Variants in IRAG2 observed in about 807,000 individuals in gnomAD.
IRAG2 encodes lymphoid restricted membrane protein.
Under a neutral mutation model 69.9 loss-of-function variants are expected in IRAG2, and 45 were observed. The observed-to-expected ratio is 0.64, with a 90% CI of 0.51 to 0.83. IRAG2 has a LOEUF of 0.83. Among genes scored for constraint, IRAG2 ranks in the 40% least tolerant of loss-of-function variants. The pLI, the probability that IRAG2 is intolerant of heterozygous loss-of-function variation, is 0.00. For synonymous variants in IRAG2, 193 were observed against 202.4 expected, an observed-to-expected ratio of 0.95 and a Z score of 0.40; for missense variants, 520 against 587.0, an observed-to-expected ratio of 0.89 and a Z score of 1.18.
chr12:24,998,250 T>C, the IRAG2 span, among the ~76,000 whole-genome samples: 1 of 152,224 alleles, frequency 6.6e-6, no homozygotes, highest in Non-Finnish European at 1.5e-5. Flanking sequence ...AGAAGCTTAA[T>C]ATAACAAGGT....
Position 25,089,781 on chromosome 12 carries a change from G to A in IRAG2, c.456G>A (p.Lys152=), listed in dbSNP as rs1250803195. Residue 152 remains lysine (K), a synonymous_variant, in exon 13 of 22, where the codon AAG becomes AAA. Coordinates refer to ENST00000556887, the MANE Select transcript of IRAG2 (RefSeq NM_001366544.2). ...RQSENTSANE[K]EVEAEFLRLS... ...CCTACAGCACTTCTGCTAATGAGAAGGAGGTGGAGGTGAGTTTAAAGCAAA... is the reference window on the plus strand; with the variant it reads ...CCTACAGCACTTCTGCTAATGAGAAAGAGGTGGAGGTGAGTTTAAAGCAAA... The A allele has an allele frequency of 3.1e-6, 5 of 1,613,050 alleles. No homozygotes were observed. The African/African-American group carries it at 5.3e-5, about 17-fold the overall frequency.
At chr12:25,016,195 C>A (rs368765063) in intron 5 of IRAG2, among the ~76,000 whole-genome samples, 31 of 142,240 alleles carry the variant, frequency 2.2e-4, no homozygotes, top group Admixed American at 2.8e-4. Context: ...GACTCCATCT[C>A]AAAAAAAAAA....
chr12:25,031,325 T>A (rs1269715849), intron 10 of IRAG2, among the ~76,000 whole-genome samples: 1 of 152,208 alleles, frequency 6.6e-6, no homozygotes, highest in Non-Finnish European at 1.5e-5. Context: ...TCAGGGTTCA[T>A]CAGGTATTGA....
At chr12:25,022,963 T>A (rs1944593506) in intron 7 of IRAG2, among the ~76,000 whole-genome samples, 1 of 152,026 alleles carries the variant, frequency 6.6e-6, no homozygotes, top group South Asian at 2.1e-4. Context: ...CTGTCTCTAC[T>A]AAAAATACAA....
upstream of IRAG2, among the ~76,000 whole-genome samples, chr12:25,000,096 C>T (rs549805042): frequency 6.6e-6 from 1 of 152,322 alleles, no homozygotes; most frequent in South Asian, 2.1e-4. Flanking sequence ...CAGGGCTTAG[C>T]ACTTAGCAGA....
chr12:25,092,314 C>T (rs1023429372), intron 14 of IRAG2, among the ~76,000 whole-genome samples: 12 of 151,766 alleles, frequency 7.9e-5, no homozygotes, highest in Admixed American at 5.3e-4. Context: ...GCAGGAGAAT[C>T]GCTTGAACCC....
At position 25,012,455 on chromosome 12, in the gene IRAG2, A is replaced by C. The variant is rs372829214; in HGVS notation, c.896+904A>C. ...CAGGTGTGAGCCACCCACTGCACCT[A>C]GCCAAGAAACCTAATTCCTATGCCT... is the stretch of plus-strand genomic sequence containing the variant. On this transcript the variant is annotated intron_variant, in intron 3 of 38. Coordinates refer to the IRAG2 transcript ENST00000636465. 2.2e-3 allele frequency among the ~76,000 whole-genome samples: 334 copies of C among 151,860 alleles called. 4 individuals are homozygous for C. Among genetic ancestry groups the C allele is most frequent in the African/African-American group, 7.7e-3 (319 of 41,424 alleles).
At chr12:25,039,493 T>G (rs951742411) in intron 16 of IRAG2, among the ~76,000 whole-genome samples, 2 of 152,218 alleles carry the variant, frequency 1.3e-5, no homozygotes, top group African/African-American at 2.4e-5. Flanking sequence ...TGCAGTGGCG[T>G]GATCTCTGCT....
chr12:25,104,533 C>A, intron 20 of IRAG2, 71 bp downstream of exon 20: 2 of 846,402 alleles, frequency 2.4e-6, no homozygotes, highest in Non-Finnish European at 4.1e-6. Context: ...CACTTTTATT[C>A]CATGGAGATG....
At chr12:25,036,852 G>A (rs145635753) in intron 15 of IRAG2, among the ~76,000 whole-genome samples, 5 of 152,284 alleles carry the variant, frequency 3.3e-5, no homozygotes, top group African/African-American at 9.6e-5. Context: ...GTGTGAGGGT[G>A]AGGAAAGTAT....
exon 1 of IRAG2, chr12:25,004,880 A>G: frequency 8.1e-7 from 1 of 1,231,892 alleles, no homozygotes; most frequent in African/African-American, 1.5e-5. Flanking sequence ...GATCCTCAGG[A>G]TTCAGTGGTA....
In IRAG2 at chr12:25,090,125, TGAA is replaced by T; in HGVS notation, c.537_539del (p.Glu180del). ...TTACCTTGGAGAAGAGAGTGAAGCT[TGAA>T]GAGAGGTCCCGTGACTTGGCAGAAG... On this transcript the variant is annotated inframe_deletion, in exon 14 of 22. Transcript: ENST00000556887. The T allele has an allele frequency of 1.2e-6, 2 of 1,613,834 alleles. No homozygotes were observed.
At chr12:25,107,732 A>T in intron 21 of IRAG2, 85 bp from the exon 22 acceptor site, 1 of 1,352,776 alleles carries the variant, frequency 7.4e-7, no homozygotes, top group African/African-American at 1.4e-5. Flanking sequence ...TGAAGGGCAG[A>T]TCACCTGACT....
chr12:25,067,431 A>G (rs1455334902), intron 5 of IRAG2, among the ~76,000 whole-genome samples: 1 of 152,156 alleles, frequency 6.6e-6, no homozygotes, highest in Admixed American at 6.5e-5. Flanking sequence ...ACCTGGAAAT[A>G]GCATCCGATT....
chr12:25,037,376 G>T (rs1216904150), intron 15 of IRAG2, among the ~76,000 whole-genome samples: 1 of 152,098 alleles, frequency 6.6e-6, no homozygotes, highest in Non-Finnish European at 1.5e-5. Flanking sequence ...TTAGCTCACT[G>T]CAAACTCTGC....
intron 14 of IRAG2, among the ~76,000 whole-genome samples, chr12:25,095,129 T>C (rs996506465): frequency 6.6e-6 from 1 of 152,116 alleles, no homozygotes; most frequent in Non-Finnish European, 1.5e-5. Context: ...TTGGTGAGAG[T>C]GGGCATCTTT....
At chr12:25,076,086 A>T (rs1277826271) in intron 6 of IRAG2, among the ~76,000 whole-genome samples, 3 of 152,200 alleles carry the variant, frequency 2.0e-5, no homozygotes, top group African/African-American at 7.2e-5. Flanking sequence ...ATCAAAAAAA[A>T]AATCTTCTTT....
At chr12:25,071,446 G>GTTCAACCAAA (rs1393852552) in intron 6 of IRAG2, among the ~76,000 whole-genome samples, 1 of 152,216 alleles carries the variant, frequency 6.6e-6, no homozygotes, top group Admixed American at 6.5e-5. Context: ...GAACTTGGAA[G>GTTCAACCAAA]CTTACAGGAT....
chr12:25,077,353 AT>A (rs1478441368), intron 6 of IRAG2, among the ~76,000 whole-genome samples: 2 of 28,122 alleles, frequency 7.1e-5, no homozygotes, highest in South Asian at 1.3e-3. Context: ...TATATATATG[AT>A]ATATATGATA....
Sources: allele counts gnomAD v4.1 joint callset (sites outside exome capture counted in the v4.1 genomes callset), GRCh38; gene constraint gnomAD v4.1.1; transcripts MANE v1.5; gene names NCBI Gene and HGNC (gene_info 2026-07-23, HGNC 2026-07-21).